PLEKHA7: variants seen among roughly 807,000 people sequenced by gnomAD.
The protein encoded by PLEKHA7 is pleckstrin homology domain containing A7, also known as pleckstrin homology domain-containing family A member 7.
Under a neutral mutation model 170.0 loss-of-function variants are expected in PLEKHA7, and 104 were observed. That is an observed-to-expected ratio of 0.61 (90% CI 0.52 to 0.72). PLEKHA7 has a LOEUF of 0.72. Among genes scored for constraint, PLEKHA7 ranks in the 30% least tolerant of loss-of-function variants. The pLI, the probability that PLEKHA7 is intolerant of heterozygous loss-of-function variation, is 0.00. For synonymous variants in PLEKHA7, 648 were observed against 660.8 expected (o/e 0.98, Z 0.30); for missense variants, 1,615 against 1,671.7 (o/e 0.97, Z 0.59).
At chr11:16,884,450 T>G (rs1372459860) in intron 3 of PLEKHA7, among the ~76,000 whole-genome samples, 3 of 152,076 alleles carry the variant, frequency 2.0e-5, no homozygotes, top group African/African-American at 7.2e-5. Context: ...CTGGCCAACA[T>G]GGTGAAACCC....
intron 3 of PLEKHA7, 21 bp from the exon 4 acceptor site, chr11:16,871,203 T>C (rs766277923): frequency 1.1e-4 from 168 of 1,566,832 alleles, no homozygotes; most frequent in Middle Eastern, 1.0e-3. Context: ...AGAGAGAAGA[T>C]GGATGAGAAT....
At chr11:16,785,512 G>C (rs761485044) in intron 24 of PLEKHA7, among the ~76,000 whole-genome samples, 1 of 152,198 alleles carries the variant, frequency 6.6e-6, no homozygotes, top group Non-Finnish European at 1.5e-5. Context: ...AGCCATAGAC[G>C]CTGCCCTGAA....
At chr11:16,906,247 GA>G (rs1857663723) in intron 3 of PLEKHA7, among the ~76,000 whole-genome samples, 1 of 111,986 alleles carries the variant, frequency 8.9e-6, no homozygotes, top group Non-Finnish European at 2.0e-5. Context: ...AGGAAGGAAG[GA>G]AGGAAGGAAG....
intron 23 of PLEKHA7, chr11:16,787,498 A>C (rs1299488677): frequency 1.3e-5 from 2 of 152,192 alleles, no homozygotes; most frequent in African/African-American, 4.8e-5. Context: ...AGATGAAAAA[A>C]TCAATTTAAT....
chr11:16,805,047 C>T (rs1470355815), intron 13 of PLEKHA7, among the ~76,000 whole-genome samples: 3 of 152,186 alleles, frequency 2.0e-5, no homozygotes, highest in East Asian at 3.8e-4. Context: ...TCTATGCCAT[C>T]GTCCTTTCAT....
In PLEKHA7 at chr11:16,830,476, C is replaced by A. The variant is rs188301556; in HGVS notation, c.873-3886G>T. Reference sequence around the variant, plus strand: ...TAAGTGGTTACTCCAATTGTGATACCCAGGTAATTGTATCTCCTTGTTATT... The same window carrying A: ...TAAGTGGTTACTCCAATTGTGATACACAGGTAATTGTATCTCCTTGTTATT... On this transcript the variant is annotated intron_variant, in intron 9 of 26. Transcript: ENST00000531066. 1.2e-3 allele frequency among the ~76,000 whole-genome samples: 185 copies of A among 152,254 alleles called. 1 individual carries two copies. Among genetic ancestry groups the A allele is most frequent in the Non-Finnish European group, 2.2e-3 (148 of 68,010 alleles).
chr11:16,802,228 GAA>G (rs1401855174), intron 15 of PLEKHA7, among the ~76,000 whole-genome samples: 2 of 152,200 alleles, frequency 1.3e-5, no homozygotes, highest in African/African-American at 4.8e-5. Context: ...TTTAAGAATA[GAA>G]AAGGCCAAAT....
At chr11:16,940,349 G>A (rs1324099171) in intron 3 of PLEKHA7, among the ~76,000 whole-genome samples, 3 of 144,794 alleles carry the variant, frequency 2.1e-5, no homozygotes, top group Non-Finnish European at 4.5e-5. Flanking sequence ...GTGCAATGGC[G>A]TGATCTGGGC....
chr11:16,906,258 G>C (rs566842307), intron 3 of PLEKHA7, among the ~76,000 whole-genome samples: 1 of 111,584 alleles, frequency 9.0e-6, no homozygotes, highest in Non-Finnish European at 2.0e-5. Flanking sequence ...AAGGAAGGAA[G>C]GAAGGAAGGA....
chr11:16,899,990 TG>T (rs562011395), intron 3 of PLEKHA7, among the ~76,000 whole-genome samples: 23 of 152,232 alleles, frequency 1.5e-4, no homozygotes, highest in African/African-American at 5.5e-4. Context: ...GGATAAGGTG[TG>T]GGGGGCAGGC....
chr11:16,826,860 C>G (rs1850697644), intron 9 of PLEKHA7, among the ~76,000 whole-genome samples: 1 of 152,144 alleles, frequency 6.6e-6, no homozygotes. Context: ...TCGCACTGAA[C>G]CATAACTTTG....
intron 3 of PLEKHA7, among the ~76,000 whole-genome samples, chr11:16,982,278 A>G (rs1863475684): frequency 6.6e-6 from 1 of 152,266 alleles, no homozygotes; most frequent in Non-Finnish European, 1.5e-5. Context: ...CTCCCTGCAT[A>G]AATCAGAAAC....
intron 25 of PLEKHA7, 149 bp from the exon 26 acceptor site, chr11:16,783,045 C>T (rs1564898978): frequency 8.7e-6 from 8 of 922,802 alleles, no homozygotes; most frequent in Admixed American, 2.8e-5. Context: ...AAGGTACATG[C>T]TTTTCCCCAA....
At chr11:16,873,104 A>C (rs1297168540) in intron 3 of PLEKHA7, among the ~76,000 whole-genome samples, 3 of 152,192 alleles carry the variant, frequency 2.0e-5, no homozygotes, top group Non-Finnish European at 4.4e-5. Flanking sequence ...TAAGGTTCCT[A>C]GTACAGAGAG....
chr11:16,821,205 T>C (rs1348122852), intron 10 of PLEKHA7, among the ~76,000 whole-genome samples: 1 of 152,250 alleles, frequency 6.6e-6, no homozygotes, highest in East Asian at 1.9e-4. Context: ...ACTCAGCAGA[T>C]GTTCCTCACC....
chr11:16,862,102 C>G (rs1426839702), intron 4 of PLEKHA7, among the ~76,000 whole-genome samples: 3 of 152,296 alleles, frequency 2.0e-5, no homozygotes, highest in Admixed American at 6.5e-5. Flanking sequence ...GGTTTTCATT[C>G]AGCAACTGTG....
chr11:16,837,491 G>C (rs977250351), intron 9 of PLEKHA7, among the ~76,000 whole-genome samples: 1 of 152,106 alleles, frequency 6.6e-6, no homozygotes, highest in Non-Finnish European at 1.5e-5. Flanking sequence ...CATCTCTAGT[G>C]TAATAACACA....
intron 3 of PLEKHA7, among the ~76,000 whole-genome samples, chr11:17,003,009 T>TTTTTG (rs55650178): frequency 8.5e-6 from 1 of 117,716 alleles, no homozygotes; most frequent in African/African-American, 3.1e-5. Flanking sequence ...TTTTTTTTTT[T>TTTTTG]GTGATGGAGT....
intron 3 of PLEKHA7, among the ~76,000 whole-genome samples, chr11:16,936,401 C>CAAAAAAAAAAA (rs57104068): frequency 7.3e-5 from 5 of 68,146 alleles, no homozygotes; most frequent in African/African-American, 2.1e-4. Context: ...GACTCTGTCT[C>CAAAAAAAAAAA]AAAAAAAAAA....
Sources: gnomAD v4.1 joint callset for allele counts (sites outside exome capture counted in the v4.1 genomes callset) on GRCh38, gnomAD v4.1.1 for gene constraint, MANE v1.5 for transcripts, NCBI Gene and HGNC (gene_info 2026-07-23, HGNC 2026-07-21) for gene names.